TRIM49: variants seen among roughly 807,000 people sequenced by gnomAD.
The protein encoded by TRIM49 is tripartite motif-containing protein 49.
TRIM49 carries 5 observed loss-of-function variants against 27.4 expected under a neutral mutation model. The ratio of observed to expected loss-of-function variants is 0.18; its 90% CI spans 0.10 to 0.38. The LOEUF is 0.38. Among genes scored for constraint, TRIM49 ranks in the 10% least tolerant of loss-of-function variants. TRIM49 has a pLI of 1.00. For missense variants in TRIM49, 188 were observed against 487.5 expected, an observed-to-expected ratio of 0.39 and a Z score of 5.79; for synonymous variants, 69 against 166.0, an observed-to-expected ratio of 0.42 and a Z score of 4.49.
At chr11:89,803,185 T>C (rs1402884606) in intron 4 of TRIM49, among the ~76,000 whole-genome samples, 3 of 144,306 alleles carry the variant, frequency 2.1e-5, no homozygotes, top group Admixed American at 6.9e-5. Flanking sequence ...TTTCTCATCG[T>C]ATGTTATGTA....
At chr11:89,795,913 A>G (rs1314171110), downstream of TRIM49, among the ~76,000 whole-genome samples, 2 of 151,956 alleles carry the variant, frequency 1.3e-5, no homozygotes, top group Admixed American at 1.3e-4. Flanking sequence ...TTTCCAGAGA[A>G]GACATCTCCA....
the TRIM49 span, chr11:89,787,659 C>G: frequency 4.8e-4 from 491 of 1,013,150 alleles, 55 homozygotes; most frequent in East Asian, 0.013. Flanking sequence ...GCACCCGCGC[C>G]CACCTTCCAG....
chr11:89,794,416 G>A (rs1294520332), downstream of TRIM49, among the ~76,000 whole-genome samples: 1 of 149,378 alleles, frequency 6.7e-6, no homozygotes, highest in Admixed American at 6.7e-5. Context: ...CCAAAAAAGA[G>A]CCCTCACAGC....
chr11:89,785,290 G>A, the TRIM49 span, among the ~76,000 whole-genome samples: 5 of 144,452 alleles, frequency 3.5e-5, no homozygotes, highest in Non-Finnish European at 6.0e-5. Flanking sequence ...AATGGAGGGC[G>A]AAAAAGGAGT....
chr11:89,770,728 T>C, the TRIM49 span, among the ~76,000 whole-genome samples: 3 of 139,988 alleles, frequency 2.1e-5, no homozygotes, highest in African/African-American at 8.7e-5. Flanking sequence ...TAGCTGGGCG[T>C]GGTGGCGAGC....
At chr11:89,793,569 C>G (rs1462336896), downstream of TRIM49, among the ~76,000 whole-genome samples, 2 of 152,152 alleles carry the variant, frequency 1.3e-5, no homozygotes, top group South Asian at 4.1e-4. Flanking sequence ...GGATCCAAGG[C>G]TGGTTCAACA....
chr11:89,785,028 T>C, the TRIM49 span, among the ~76,000 whole-genome samples: 2 of 150,066 alleles, frequency 1.3e-5, no homozygotes, highest in African/African-American at 5.0e-5. Context: ...ACATTGTCAA[T>C]CATTAATCCA....
chr11:89,774,111 A>C, the TRIM49 span, among the ~76,000 whole-genome samples: 4 of 148,202 alleles, frequency 2.7e-5, no homozygotes, highest in African/African-American at 7.7e-5. Context: ...AGTGATTCTC[A>C]TGCCTCAGCC....
rs141476467 is a variant in TRIM49 at position 89,798,584 on chromosome 11, A to C, written c.905T>G (p.Leu302Arg). 1.9e-4 allele frequency: 301 copies of C among 1,550,284 alleles called. 54 individuals are homozygous for C. The African/African-American group carries it at 4.8e-3, about 24-fold the overall frequency. The stretch of plus-strand genomic sequence containing the variant: ...ACACATGCTTCTCAAAATTTCATAC[A>C]GAAAGATATCATTGTTGGCTTCTTC... ...HHEEANNDIF[L>R]YEILRSMCIG... The change falls in exon 8 of 8, where the codon CTG becomes CGG. Residue 302 changes from leucine (L) to arginine (R), a missense_variant. Leu to Arg is a moderately radical substitution (Grantham distance 102). Around this residue, in one of 6 missense-constraint regions of TRIM49, gnomAD observed 94 missense variants for 149.6 expected, o/e 0.63. Transcript: ENST00000329758.
Position 89,804,245 on chromosome 11 carries a change from A to G in TRIM49, c.225T>C (p.Ser75=), listed in dbSNP as rs781132568. 28 of 1,611,448 alleles carry G rather than the reference A, an allele frequency of 1.7e-5. No homozygotes were observed. Among genetic ancestry groups the G allele is most frequent in the East Asian group, 4.5e-5 (2 of 44,812 alleles). ...KTNIHLKKMA[S]LARKVSLWLF... is the part of the protein sequence containing the mutation. ...GCCAGAGACTGACTTTTCTGGCAAG[A>G]GAAGCCATCTTCTTCAAATGAATGT... The change falls in exon 3 of 8, where the codon TCT becomes TCC. Residue 75 remains serine (S), a synonymous_variant. Coordinates refer to ENST00000329758, the MANE Select transcript of TRIM49 (RefSeq NM_020358.2).
At chr11:89,766,593 C>A in the TRIM49 span, 1 of 884,440 alleles carries the variant, frequency 1.1e-6, no homozygotes, top group Non-Finnish European at 1.7e-6. Flanking sequence ...TAATCCTTGT[C>A]ATCTGTGGCC....
intron 6 of TRIM49, 37 bp downstream of exon 6, chr11:89,800,929 T>C: frequency 1.6e-6 from 2 of 1,224,050 alleles, no homozygotes; most frequent in East Asian, 5.1e-5. Flanking sequence ...TCGTGGAATC[T>C]TAAAGAACAT....
chr11:89,777,755 T>G, the TRIM49 span, among the ~76,000 whole-genome samples: 1 of 146,938 alleles, frequency 6.8e-6, no homozygotes, highest in East Asian at 2.1e-4. Flanking sequence ...TTCTATCACT[T>G]TTCACATCCA....
chr11:89,776,747 TA>T, the TRIM49 span, among the ~76,000 whole-genome samples: 3 of 152,036 alleles, frequency 2.0e-5, no homozygotes, highest in South Asian at 4.1e-4. Flanking sequence ...AGGATCTTGG[TA>T]TGTCAGGGAG....
chr11:89,796,572 AT>A (rs1475944841), downstream of TRIM49, among the ~76,000 whole-genome samples: 1 of 146,824 alleles, frequency 6.8e-6, no homozygotes, highest in Non-Finnish European at 1.5e-5. Context: ...ATTATTTGAC[AT>A]TTTGGGTCTT....
the TRIM49 span, chr11:89,767,147 A>G: frequency 7.8e-6 from 3 of 382,564 alleles, no homozygotes; most frequent in Non-Finnish European, 9.2e-6. Flanking sequence ...AGAGATTCTC[A>G]CTAGAAAACA....
chr11:89,790,474 A>G, the TRIM49 span, among the ~76,000 whole-genome samples: 3 of 151,928 alleles, frequency 2.0e-5, no homozygotes, highest in African/African-American at 7.3e-5. Context: ...TTGGTCCCTG[A>G]GTAGCCTAAC....
chr11:89,804,917 T>C (rs928020436), intron 2 of TRIM49, among the ~76,000 whole-genome samples: 2 of 151,092 alleles, frequency 1.3e-5, no homozygotes, highest in African/African-American at 4.9e-5. Context: ...GATGGTTCTA[T>C]GACATATTTT....
At chr11:89,787,982 C>T in the TRIM49 span, 1 of 265,600 alleles carries the variant, frequency 3.8e-6, no homozygotes, top group Admixed American at 4.9e-5. Context: ...CTGGGGGAGC[C>T]ACATCGATTC....
Sources: gnomAD v4.1 joint callset for allele counts (sites outside exome capture counted in the v4.1 genomes callset) on GRCh38, gnomAD v4.1.1 for gene constraint, gnomAD v4.1.1 regional missense constraint, MANE v1.5 for transcripts, NCBI Gene and HGNC (gene_info 2026-07-23, HGNC 2026-07-21) for gene names.